Variants in KAT6B observed in about 807,000 individuals in gnomAD.
The protein encoded by KAT6B is histone acetyltransferase KAT6B.
Under a neutral mutation model 187.5 loss-of-function variants are expected in KAT6B, and 10 were observed. The observed-to-expected ratio is 0.05, with a 90% CI of 0.03 to 0.09. The LOEUF is 0.09. Ranked by LOEUF, KAT6B falls within the 10% of genes least tolerant of loss-of-function variation. KAT6B has a pLI of 1.00. For synonymous variants in KAT6B, 861 were observed against 926.8 expected, an observed-to-expected ratio of 0.93 and a Z score of 1.29; for missense variants, 1,952 against 2,558.9, an observed-to-expected ratio of 0.76 and a Z score of 5.12.
At position 75,031,735 on chromosome 10, in the gene KAT6B, AT is replaced by A; in HGVS notation, c.*693del. On this transcript the variant is annotated 3_prime_UTR_variant, in exon 18 of 18. Transcript: ENST00000287239. Reference sequence around the variant, plus strand: ...TGGTGTAAAGTTGAGACCCTTTTCCATTTTGGTGACAGATTTCTTTGGGGAA... The same window carrying A: ...TGGTGTAAAGTTGAGACCCTTTTCCATTTGGTGACAGATTTCTTTGGGGAA... 1 of 211,172 alleles carries A rather than the reference AT, an allele frequency of 4.7e-6. No homozygotes were observed. The highest frequency in any genetic ancestry group is 9.6e-6 in the Non-Finnish European group (1 of 104,026). The allele number at this position is 211,172 out of a possible 1,614,324, so 13.1% of individuals were successfully genotyped here. A position where few individuals can be genotyped will look rare whatever the true frequency, so the allele number is the denominator to read the frequency against.
intron 16 of KAT6B, chr10:75,024,168 CA>C (rs1289766173): frequency 6.6e-6 from 1 of 151,790 alleles, no homozygotes. Context: ...TCTGGGAGGC[CA>C]AGGCGGGTGG....
intron 3 of KAT6B, among the ~76,000 whole-genome samples, chr10:74,951,558 ATATAGTGACTATTACAACC>A (rs1486315553): frequency 6.6e-6 from 1 of 152,148 alleles, no homozygotes; most frequent in African/African-American, 2.4e-5. Context: ...AATCTGTCTT[ATATAGTGACTATTACAACC>A]TATAGTGACT....
At chr10:74,973,147 T>TA (rs1841951201) in intron 7 of KAT6B, among the ~76,000 whole-genome samples, 1 of 152,242 alleles carries the variant, frequency 6.6e-6, no homozygotes, top group African/African-American at 2.4e-5. Flanking sequence ...GATGACCACT[T>TA]ACCTCTGAAG....
Position 74,842,750 on chromosome 10 carries a change from C to T in KAT6B, c.-108C>T, listed in dbSNP as rs189355700. On this transcript the variant is annotated 5_prime_UTR_variant, in exon 3 of 18. Transcript: ENST00000287239. ...ATGTTGCTTAATACAGTCTGGAATA[C>T]TCTGTCCATTTGTTGAATTGTAAAT... 3,353 of 1,214,710 alleles carry T rather than the reference C, an allele frequency of 2.8e-3. 10 individuals are homozygous for T. Among genetic ancestry groups the T allele is most frequent in the Non-Finnish European group, 3.3e-3 (2,707 of 827,138 alleles). 75.2% of individuals were successfully genotyped at this position (1,214,710 alleles called of 1,614,324 possible).
intron 13 of KAT6B, among the ~76,000 whole-genome samples, chr10:75,010,775 G>A (rs898695127): frequency 6.6e-6 from 1 of 152,206 alleles, no homozygotes; most frequent in Non-Finnish European, 1.5e-5. Flanking sequence ...ATATTAGAAT[G>A]AAGTGTCTCA....
chr10:74,831,405 G>A (rs1840846726), intron 1 of KAT6B, among the ~76,000 whole-genome samples: 1 of 152,128 alleles, frequency 6.6e-6, no homozygotes, highest in Non-Finnish European at 1.5e-5. Context: ...AGGTCAATAA[G>A]ATATTCTCCT....
At chr10:74,982,350 C>G (rs935789437) in intron 11 of KAT6B, 1 of 209,828 alleles carries the variant, frequency 4.8e-6, no homozygotes, top group African/African-American at 2.3e-5. Context: ...ACCTGTGTTT[C>G]CATCCACTTC....
At chr10:74,969,067 G>C (rs1841679845) in intron 4 of KAT6B, among the ~76,000 whole-genome samples, 1 of 152,138 alleles carries the variant, frequency 6.6e-6, no homozygotes, top group African/African-American at 2.4e-5. Context: ...TTCTGCTCCT[G>C]CTTCCAGAGT....
intron 3 of KAT6B, among the ~76,000 whole-genome samples, chr10:74,923,704 G>C (rs1261617350): frequency 6.6e-6 from 1 of 152,166 alleles, no homozygotes; most frequent in African/African-American, 2.4e-5. Context: ...GAGAGAGAGG[G>C]GAGAGTCGTC....
chr10:74,955,671 C>T (rs1589699061), intron 3 of KAT6B, among the ~76,000 whole-genome samples: 1 of 152,004 alleles, frequency 6.6e-6, no homozygotes, highest in Non-Finnish European at 1.5e-5. Context: ...ACACTTTACT[C>T]CTATATTTCA....
chr10:75,004,937 A>T (rs930306325), intron 13 of KAT6B, among the ~76,000 whole-genome samples: 1 of 150,554 alleles, frequency 6.6e-6, no homozygotes, highest in African/African-American at 2.4e-5. Context: ...CTGGTTTCCA[A>T]CTCCTGGCTT....
At chr10:74,982,309 G>A (rs1842560617) in intron 11 of KAT6B, 1 of 309,626 alleles carries the variant, frequency 3.2e-6, no homozygotes, top group Non-Finnish European at 6.2e-6. Context: ...AGGGAATTGA[G>A]CAGCTGTACA....
At chr10:75,002,920 C>G (rs940239576) in intron 13 of KAT6B, 1 of 152,156 alleles carries the variant, frequency 6.6e-6, no homozygotes, top group Non-Finnish European at 1.5e-5. Flanking sequence ...TTAGTAGGTT[C>G]TTATTAATTG....
At chr10:74,897,860 A>AT (rs1376857984) in intron 3 of KAT6B, among the ~76,000 whole-genome samples, 1 of 152,196 alleles carries the variant, frequency 6.6e-6, no homozygotes, top group Non-Finnish European at 1.5e-5. Flanking sequence ...AAAAATTGAA[A>AT]TTTTGGGGGC....
chr10:74,970,157 C>T, intron 6 of KAT6B, 56 bp downstream of exon 6: 3 of 1,352,194 alleles, frequency 2.2e-6, no homozygotes, highest in Non-Finnish European at 3.2e-6. Flanking sequence ...TTAGCTTTGT[C>T]CTGAGGTCTG....
At chr10:74,950,825 T>C (rs567097653) in intron 3 of KAT6B, among the ~76,000 whole-genome samples, 1 of 152,266 alleles carries the variant, frequency 6.6e-6, no homozygotes, top group African/African-American at 2.4e-5. Flanking sequence ...CTTTTAAAAA[T>C]AGACCATAAC....
intron 13 of KAT6B, 42 bp downstream of exon 13, chr10:74,989,154 G>A (rs1842979413): frequency 1.5e-6 from 2 of 1,364,524 alleles, no homozygotes; most frequent in African/African-American, 2.9e-5. Flanking sequence ...CCAGGAAGCT[G>A]ATGGCCGTTA....
intron 13 of KAT6B, among the ~76,000 whole-genome samples, chr10:75,005,101 C>T (rs1002254141): frequency 7.9e-5 from 12 of 152,128 alleles, no homozygotes; most frequent in African/African-American, 2.7e-4. Flanking sequence ...GAGAACTATT[C>T]CCCCTTGAAC....
chr10:74,869,956 C>T (rs986276239), intron 3 of KAT6B, among the ~76,000 whole-genome samples: 2 of 152,106 alleles, frequency 1.3e-5, no homozygotes, highest in Admixed American at 6.5e-5. Context: ...TTTTCTGATC[C>T]TGTGTCTGAG....
Sources: gnomAD v4.1 joint callset for allele counts (sites outside exome capture counted in the v4.1 genomes callset) on GRCh38, gnomAD v4.1.1 for gene constraint, MANE v1.5 for transcripts, NCBI Gene and HGNC (gene_info 2026-07-23, HGNC 2026-07-21) for gene names.